Variants in AK8 observed in about 807,000 individuals in gnomAD.
AK8 encodes the protein ATP-AMP transphosphorylase 8.
In AK8, 44 loss-of-function variants were observed where a neutral mutation model predicts 54.6. The observed-to-expected ratio is 0.81, with a 90% CI of 0.63 to 1.04. AK8 has a LOEUF of 1.04. Among genes scored for constraint, AK8 ranks in the 50% least tolerant of loss-of-function variants. AK8 has a pLI of 0.00. For synonymous variants in AK8, 239 were observed against 245.6 expected, an observed-to-expected ratio of 0.97 and a Z score of 0.25; for missense variants, 555 against 613.6, an observed-to-expected ratio of 0.90 and a Z score of 1.01.
intron 10 of AK8, among the ~76,000 whole-genome samples, chr9:132,808,135 TG>T (rs1379038684): frequency 1.3e-5 from 2 of 152,130 alleles, no homozygotes; most frequent in African/African-American, 4.8e-5. Flanking sequence ...CGTTTTTACT[TG>T]TTTTGTACTA....
chr9:132,855,758 C>T lies in AK8; in HGVS notation c.334-833G>A, dbSNP rs537281289. Among the ~76,000 whole-genome samples the T allele has an allele frequency of 1.8e-3, 279 of 152,342 alleles. 1 individual carries two copies. The highest frequency in any genetic ancestry group is 3.0e-3 in the Non-Finnish European group (205 of 68,032). On this transcript the variant is annotated intron_variant, in intron 4 of 12. Transcript: ENST00000298545. ...TGTGCCAGGCACTGGGCCAAGCATTCCATTCTTTGCTTTTTGTAACAACTC... is the reference window on the plus strand; with the variant it reads ...TGTGCCAGGCACTGGGCCAAGCATTTCATTCTTTGCTTTTTGTAACAACTC...
chr9:132,828,978 TGGAG>T (rs1564425928), intron 5 of AK8, among the ~76,000 whole-genome samples: 9 of 149,264 alleles, frequency 6.0e-5, no homozygotes, highest in Non-Finnish European at 5.9e-5. Flanking sequence ...TTTTTTGAGA[TGGAG>T]TTTCACTCTC....
At chr9:132,827,340 C>T (rs568002809) in intron 7 of AK8, 236 of 487,042 alleles carry the variant, frequency 4.8e-4, no homozygotes, top group Non-Finnish European at 2.3e-4. Context: ...CACCTGCAGA[C>T]TCCCATTTCA....
chr9:132,746,624 C>G (rs1377927017), intron 11 of AK8, among the ~76,000 whole-genome samples: 1 of 152,244 alleles, frequency 6.6e-6, no homozygotes, highest in South Asian at 2.1e-4. Flanking sequence ...TTTCCTCTTC[C>G]ACAAACGCAC....
intron 11 of AK8, among the ~76,000 whole-genome samples, chr9:132,755,365 C>T (rs1017745454): frequency 2.6e-5 from 4 of 152,272 alleles, no homozygotes; most frequent in East Asian, 3.9e-4. Flanking sequence ...GCCGAGCACC[C>T]GAGCGCCTCG....
In AK8 at chr9:132,725,757, C is replaced by A. The variant is rs1168431289; in HGVS notation, c.1371G>T (p.Gln457His). 1 of 1,596,728 alleles carries A rather than the reference C, an allele frequency of 6.3e-7. No homozygotes were observed. Among genetic ancestry groups the A allele is most frequent in the South Asian group, 1.1e-5 (1 of 87,890 alleles). Reference protein sequence around the residue: ...YGSAITLNGDQDPYTVFEYIE... With the variant: ...YGSAITLNGDHDPYTVFEYIE... ...TGTATTCGAAGACTGTGTATGGGTC[C>A]TGGTCCCCATTGAGGGTGATGGCCG... The change falls in exon 13 of 13, where the codon CAG (glutamine) becomes CAT (histidine). Residue 457 changes from glutamine to histidine, a missense_variant. Transcript: ENST00000298545.
chr9:132,874,103 G>A (rs181476199), intron 2 of AK8, among the ~76,000 whole-genome samples: 43 of 152,306 alleles, frequency 2.8e-4, no homozygotes, highest in African/African-American at 9.1e-4. Context: ...GGAATGTCTA[G>A]TGAATCAGCC....
At chr9:132,839,292 GT>G (rs1290139721) in intron 5 of AK8, among the ~76,000 whole-genome samples, 2 of 152,178 alleles carry the variant, frequency 1.3e-5, no homozygotes, top group African/African-American at 4.8e-5. Context: ...CACCAACTGT[GT>G]CTTGGCTTAG....
At chr9:132,830,912 A>G (rs1474044298) in intron 5 of AK8, among the ~76,000 whole-genome samples, 2 of 152,166 alleles carry the variant, frequency 1.3e-5, no homozygotes, top group African/African-American at 4.8e-5. Flanking sequence ...TACTCTTTAC[A>G]TGTAAATAGT....
Position 132,797,220 on chromosome 9 carries a change from C to T in AK8, c.980-4445G>A, listed in dbSNP as rs7467291. 1.2e-4 allele frequency among the ~76,000 whole-genome samples: 19 copies of T among 152,168 alleles called. No individual in the cohort carries two copies. The East Asian group carries it at 3.7e-3, about 29-fold the overall frequency. On this transcript the variant is annotated intron_variant, in intron 10 of 12. Transcript: ENST00000298545. ...CCCACCCCATGAAAGCAGGGATCCCCCCAGTAGGGTCAGGCTCATTGCTAT... is the reference window on the plus strand; with the variant it reads ...CCCACCCCATGAAAGCAGGGATCCCTCCAGTAGGGTCAGGCTCATTGCTAT...
intron 11 of AK8, among the ~76,000 whole-genome samples, chr9:132,786,865 C>CT (rs1839731138): frequency 6.6e-6 from 1 of 152,054 alleles, no homozygotes; most frequent in African/African-American, 2.4e-5. Context: ...CCCCATCCTC[C>CT]TAACAAAATC....
intron 4 of AK8, among the ~76,000 whole-genome samples, chr9:132,859,565 A>C (rs1305215392): frequency 6.6e-6 from 1 of 151,686 alleles, no homozygotes; most frequent in Non-Finnish European, 1.5e-5. Flanking sequence ...CAGGATCAGC[A>C]CCTGAGAGTG....
chr9:132,828,224 C>G, intron 6 of AK8, 140 bp from the exon 7 acceptor site: 1 of 725,786 alleles, frequency 1.4e-6, no homozygotes, highest in Non-Finnish European at 2.3e-6. Flanking sequence ...CTCCCATCCC[C>G]GTGAATTCCT....
intron 11 of AK8, among the ~76,000 whole-genome samples, chr9:132,750,700 C>A (rs1262019806): frequency 2.0e-5 from 3 of 151,978 alleles, no homozygotes; most frequent in African/African-American, 7.2e-5. Context: ...CGCGAGCTCC[C>A]CCATGAGAGC....
At chr9:132,806,233 C>T (rs1441616543) in intron 10 of AK8, among the ~76,000 whole-genome samples, 1 of 151,952 alleles carries the variant, frequency 6.6e-6, no homozygotes. Context: ...TTCAAACTGT[C>T]CTATTTCCAC....
At chr9:132,793,924 C>T (rs905109966) in intron 10 of AK8, among the ~76,000 whole-genome samples, 23 of 152,080 alleles carry the variant, frequency 1.5e-4, no homozygotes, top group African/African-American at 2.9e-4. Flanking sequence ...ACCGACTGCC[C>T]GGGGGTCTGG....
intron 5 of AK8, among the ~76,000 whole-genome samples, chr9:132,843,262 T>C (rs1184427690): frequency 6.6e-6 from 1 of 152,098 alleles, no homozygotes; most frequent in African/African-American, 2.4e-5. Flanking sequence ...TCAAGAGATC[T>C]GGTTAAAAGT....
intron 10 of AK8, among the ~76,000 whole-genome samples, chr9:132,793,188 C>T (rs60665198): frequency 0.051 from 7,753 of 152,184 alleles, 684 homozygotes; most frequent in African/African-American, 0.18. Flanking sequence ...ACAGATGGTG[C>T]CTTCTTGCTT....
rs1341670416 is a variant in AK8, at chr9:132,770,941, C to G, written c.1121+21693G>C. Among the ~76,000 whole-genome samples, 1 of 152,150 alleles carries G rather than the reference C, an allele frequency of 6.6e-6. No individual in the cohort carries two copies. Among genetic ancestry groups the G allele is most frequent in the Non-Finnish European group, 1.5e-5 (1 of 68,016 alleles). On this transcript the variant is annotated intron_variant, in intron 11 of 12. Transcript: ENST00000298545. This position sits in a 1 kb window ranked among gnomAD's most constrained non-coding sequence, Gnocchi z 4.3. The stretch of plus-strand genomic sequence containing the variant: ...GTGGGGAGGGAGCAGCTGGTGGCCT[C>G]GGCAAACGCAGCACAGGAGATGGGA...
Sources: allele counts gnomAD v4.1 joint callset (sites outside exome capture counted in the v4.1 genomes callset), GRCh38; gene constraint gnomAD v4.1.1; non-coding constraint Gnocchi (gnomAD v3.1); transcripts MANE v1.5; gene names NCBI Gene and HGNC (gene_info 2026-07-23, HGNC 2026-07-21).